BICD1: variants seen among roughly 807,000 people sequenced by gnomAD.
The protein encoded by BICD1 is protein bicaudal D homolog 1.
A neutral mutation model predicts 92.5 loss-of-function variants in BICD1; 35 were observed. The ratio of observed to expected loss-of-function variants is 0.38; its 90% CI spans 0.29 to 0.50. BICD1 has a LOEUF of 0.50. Ranked by LOEUF, BICD1 falls within the 20% of genes least tolerant of loss-of-function variation. The pLI is 0.93. For synonymous variants in BICD1, 429 were observed against 465.1 expected (o/e 0.92, Z 1.00); for missense variants, 950 against 1,189.8 (o/e 0.80, Z 2.97).
At chr12:32,335,734 C>T (rs756700324) in intron 6 of BICD1, among the ~76,000 whole-genome samples, 1 of 151,800 alleles carries the variant, frequency 6.6e-6, no homozygotes, top group Non-Finnish European at 1.5e-5. Context: ...TGCAGGCTTG[C>T]ACTACCACAC....
At chr12:32,244,080 T>TTTTTTTTTTTTTTTTTTTTGTAAAG (rs1270426321) in intron 2 of BICD1, among the ~76,000 whole-genome samples, 3 of 152,130 alleles carry the variant, frequency 2.0e-5, no homozygotes, top group African/African-American at 7.3e-5. Flanking sequence ...ATTCTTTATC[T>TTTTTTTTTTTTTTTTTTTTGTAAAG]GCTATTTCAA....
chr12:32,330,190 A>C (rs1937781083), intron 5 of BICD1, among the ~76,000 whole-genome samples: 1 of 152,180 alleles, frequency 6.6e-6, no homozygotes, highest in Admixed American at 6.5e-5. Context: ...CATAAGCCAT[A>C]ATATTGTTTG....
chr12:32,139,363 G>C (rs1435428158), intron 1 of BICD1, among the ~76,000 whole-genome samples: 1 of 152,136 alleles, frequency 6.6e-6, no homozygotes, highest in Non-Finnish European at 1.5e-5. Flanking sequence ...TTGTGTGTGT[G>C]TGTTTGTGTG....
intron 1 of BICD1, among the ~76,000 whole-genome samples, chr12:32,172,301 G>A (rs555337578): frequency 1.3e-5 from 2 of 152,300 alleles, no homozygotes; most frequent in South Asian, 4.1e-4. Flanking sequence ...ATATAGAGAT[G>A]AAAAGACAAG....
At chr12:32,324,052 C>G (rs1293239844) in intron 4 of BICD1, among the ~76,000 whole-genome samples, 1 of 152,078 alleles carries the variant, frequency 6.6e-6, no homozygotes, top group African/African-American at 2.4e-5. Flanking sequence ...AGCTTAGGGC[C>G]GGGCGCGGTG....
chr12:32,133,103 C>T (rs536685956), intron 1 of BICD1, among the ~76,000 whole-genome samples: 125 of 152,252 alleles, frequency 8.2e-4, no homozygotes, highest in African/African-American at 2.9e-3. Flanking sequence ...ATATTTCACA[C>T]TTAAATTTAG....
intron 1 of BICD1, among the ~76,000 whole-genome samples, chr12:32,122,317 G>A (rs71457607): frequency 0.14 from 20,625 of 151,492 alleles, 1,860 homozygotes; most frequent in Non-Finnish European, 0.18. Context: ...TGAAACCCCC[G>A]TCTCTATGAA....
At chr12:32,305,186 T>C (rs1369525011) in intron 3 of BICD1, among the ~76,000 whole-genome samples, 1 of 152,236 alleles carries the variant, frequency 6.6e-6, no homozygotes, top group African/African-American at 2.4e-5. Flanking sequence ...GATTATGTTA[T>C]TATAATCGTT....
intron 8 of BICD1, among the ~76,000 whole-genome samples, chr12:32,359,841 T>C (rs2136319211): frequency 6.6e-6 from 1 of 152,210 alleles, no homozygotes; most frequent in Admixed American, 6.5e-5. Context: ...TCAAGAGGCG[T>C]GTGTGTTCCT....
chr12:32,248,337 T>C (rs1946441720), intron 2 of BICD1, among the ~76,000 whole-genome samples: 1 of 152,270 alleles, frequency 6.6e-6, no homozygotes, highest in African/African-American at 2.4e-5. Flanking sequence ...GAAACAGAGA[T>C]GGCAAGAATC....
intron 3 of BICD1, among the ~76,000 whole-genome samples, chr12:32,301,184 C>T (rs1948034840): frequency 6.6e-6 from 1 of 152,180 alleles, no homozygotes; most frequent in South Asian, 2.1e-4. Context: ...TTCCTCCACA[C>T]TTCATCCTCA....
At chr12:32,356,233 C>A (rs1275311495) in intron 8 of BICD1, among the ~76,000 whole-genome samples, 1 of 152,176 alleles carries the variant, frequency 6.6e-6, no homozygotes, top group Non-Finnish European at 1.5e-5. Context: ...TAAGTCACTT[C>A]TTCAGTGTCC....
At chr12:32,273,434 G>A (rs919250197) in intron 2 of BICD1, among the ~76,000 whole-genome samples, 8 of 152,160 alleles carry the variant, frequency 5.3e-5, no homozygotes, top group Non-Finnish European at 8.8e-5. Flanking sequence ...TGCAAGCAGC[G>A]CCTTTCCTCA....
chr12:32,327,301 G>A (rs1466045894), intron 4 of BICD1, among the ~76,000 whole-genome samples, 160 bp from the exon 5 acceptor site: 1 of 152,150 alleles, frequency 6.6e-6, no homozygotes, highest in East Asian at 1.9e-4. Flanking sequence ...TGACTTACCA[G>A]AACTGCTGAA....
chr12:32,261,280 C>T (rs1946852248), intron 2 of BICD1, among the ~76,000 whole-genome samples: 2 of 152,208 alleles, frequency 1.3e-5, no homozygotes, highest in East Asian at 1.9e-4. Context: ...ATAGTAATTA[C>T]CTCTTCCTGT....
intron 1 of BICD1, among the ~76,000 whole-genome samples, chr12:32,183,418 C>T (rs1259865938): frequency 6.6e-6 from 1 of 151,934 alleles, no homozygotes; most frequent in Non-Finnish European, 1.5e-5. Context: ...GCACGCGCGC[C>T]ATCACGCCCA....
At chr12:32,242,142 G>A (rs1946253706) in intron 2 of BICD1, among the ~76,000 whole-genome samples, 1 of 145,040 alleles carries the variant, frequency 6.9e-6, no homozygotes, top group Non-Finnish European at 1.5e-5. Flanking sequence ...CTGAGCCCAG[G>A]GAGGTCAAGG....
chr12:32,108,191 A>T (rs1482002293), intron 1 of BICD1: 1 of 188,494 alleles, frequency 5.3e-6, no homozygotes, highest in African/African-American at 2.4e-5. Context: ...GGTCACCCTG[A>T]CTAGAAAAAA....
intron 2 of BICD1, among the ~76,000 whole-genome samples, chr12:32,223,546 A>G (rs1316650215): frequency 1.3e-5 from 2 of 151,252 alleles, no homozygotes; most frequent in African/African-American, 4.8e-5. Context: ...AGAATCAAAG[A>G]GAGCCCTTGC....
Sources: gnomAD v4.1 joint callset for allele counts (sites outside exome capture counted in the v4.1 genomes callset) on GRCh38, gnomAD v4.1.1 for gene constraint, MANE v1.5 for transcripts, NCBI Gene and HGNC (gene_info 2026-07-23, HGNC 2026-07-21) for gene names.